The following SLC1A2 variants were observed in gnomAD, a reference collection of about 807,000 sequenced individuals.
The protein encoded by SLC1A2 is solute carrier family 1 member 2.
In SLC1A2, 15 loss-of-function variants were observed where a neutral mutation model predicts 48.8. The observed-to-expected ratio is 0.31, with a 90% confidence interval of 0.21 to 0.47. SLC1A2 has a LOEUF of 0.47. Ranked by LOEUF, SLC1A2 falls within the 20% of genes least tolerant of loss-of-function variation. The probability of loss-of-function intolerance (pLI) is 0.99; values close to 1 mark genes in which losing one functional copy is unlikely to be tolerated. For missense variants in SLC1A2, 502 were observed against 730.5 expected (o/e 0.69, Z 3.61); for synonymous variants, 279 against 272.6 (o/e 1.02, Z -0.23).
chr11:35,344,506 T>A (rs1257801452), intron 1 of SLC1A2, among the ~76,000 whole-genome samples: 1 of 152,210 alleles, frequency 6.6e-6, no homozygotes, highest in African/African-American at 2.4e-5. Context: ...GATGGGATTA[T>A]GGAACTCTCC....
chr11:35,271,213 G>T (rs1463669610), intron 9 of SLC1A2, among the ~76,000 whole-genome samples: 1 of 152,198 alleles, frequency 6.6e-6, no homozygotes, highest in Non-Finnish European at 1.5e-5. Flanking sequence ...TTCTGGCTTT[G>T]GTTTGGACAC....
chr11:35,277,485 T>A (rs1001680367), intron 9 of SLC1A2, among the ~76,000 whole-genome samples: 6 of 152,234 alleles, frequency 3.9e-5, no homozygotes, highest in Non-Finnish European at 8.8e-5. Flanking sequence ...CCCCTTTTCC[T>A]CACTCCTGAT....
At chr11:35,269,243 T>C (rs982797091) in intron 9 of SLC1A2, among the ~76,000 whole-genome samples, 1 of 152,200 alleles carries the variant, frequency 6.6e-6, no homozygotes, top group Admixed American at 6.5e-5. Flanking sequence ...TCTTGGACTT[T>C]CAAGCCTCCA....
At chr11:35,269,447 T>C (rs1199347671) in intron 9 of SLC1A2, among the ~76,000 whole-genome samples, 1 of 152,240 alleles carries the variant, frequency 6.6e-6, no homozygotes, top group Admixed American at 6.5e-5. Flanking sequence ...ACACTCATTA[T>C]GTGCTGGGTC....
chr11:35,355,840 A>AT, intron 1 of SLC1A2, among the ~76,000 whole-genome samples: 1 of 150,898 alleles, frequency 6.6e-6, no homozygotes, highest in Admixed American at 6.6e-5. Flanking sequence ...AGTCAAGATC[A>AT]TGCCACTGCA....
At chr11:35,333,114 C>T (rs1231707585) in intron 1 of SLC1A2, among the ~76,000 whole-genome samples, 4 of 152,006 alleles carry the variant, frequency 2.6e-5, no homozygotes, top group African/African-American at 9.7e-5. Context: ...AAAACATAAC[C>T]TTTGGCAGGG....
Position 35,361,068 on chromosome 11 carries a change from G to A in SLC1A2, c.18-43552C>T, listed in dbSNP as rs186404008. Among the ~76,000 whole-genome samples the A allele has an allele frequency of 6.9e-3, 1,056 of 152,090 alleles. 6 individuals carry two copies. Among genetic ancestry groups the A allele is most frequent in the Non-Finnish European group, 0.013 (853 of 67,978 alleles). On this transcript the variant is annotated intron_variant, in intron 1 of 10. Transcript: ENST00000278379. The stretch of plus-strand genomic sequence containing the variant: ...TTTTTGTATGTTTAGTAGAGATGGG[G>A]TTTCACCATGTTGGCCAGGGTGGTC...
At position 35,360,345 on chromosome 11, in the gene SLC1A2, C is replaced by G. The variant is rs759007535; in HGVS notation, c.18-42829G>C. Among the ~76,000 whole-genome samples the G allele has an allele frequency of 7.1e-4, 108 of 152,270 alleles. 2 individuals carry two copies. The highest frequency in any genetic ancestry group is 3.4e-3 in the Middle Eastern group (1 of 294). On this transcript the variant is annotated intron_variant, in intron 1 of 10. Transcript: ENST00000278379. ...CCTTAGGCAAGAACCATGGCTGTTT[C>G]CCTCCCACGTTTTGTGAATTTCTAC...
At chr11:35,314,712 C>CAA (rs531467759) in intron 3 of SLC1A2, among the ~76,000 whole-genome samples, 49 of 132,660 alleles carry the variant, frequency 3.7e-4, no homozygotes, top group Middle Eastern at 4.0e-3. Flanking sequence ...GACTCCATCT[C>CAA]AAAAAAAAAA....
chr11:35,387,589 C>A (rs1854624881), intron 1 of SLC1A2, among the ~76,000 whole-genome samples: 1 of 152,106 alleles, frequency 6.6e-6, no homozygotes, highest in African/African-American at 2.4e-5. Flanking sequence ...AACTGCAAGG[C>A]CTATTTGTTT....
rs1055233555 is a variant in SLC1A2, at chr11:35,263,082, G to C, written c.1654-2117C>G. Among the ~76,000 whole-genome samples the C allele has an allele frequency of 2.6e-5, 4 of 152,286 alleles. No individual in the cohort carries two copies. In the East Asian group the frequency reaches 7.7e-4, roughly 29 times the overall value. On this transcript the variant is annotated intron_variant, in intron 10 of 10. Coordinates refer to ENST00000278379, the MANE Select transcript of SLC1A2 (RefSeq NM_004171.4). The stretch of plus-strand genomic sequence containing the variant: ...GGCTGGGTCACAGTAGTATAACTGG[G>C]GACAAAGCCTTACTCCTAATGAGCT...
chr11:35,265,147 G>T (rs541081105), intron 10 of SLC1A2: 158 of 237,806 alleles, frequency 6.6e-4, no homozygotes, highest in Non-Finnish European at 8.9e-4. Context: ...GTTTCACCTT[G>T]TTAGCCAGGA....
At position 35,251,451 on chromosome 11, in the gene SLC1A2, A is replaced by G. The variant is rs1950237151; in HGVS notation, c.*9443T>C. The G allele has an allele frequency of 1.3e-5, 2 of 152,648 alleles. No individual in the cohort carries two copies. Among genetic ancestry groups the G allele is most frequent in the African/African-American group, 2.4e-5 (1 of 41,456 alleles). The allele number at this position is 152,648 out of a possible 1,614,324, so 9.5% of individuals were successfully genotyped here. The stretch of plus-strand genomic sequence containing the variant: ...TTTCTAGTAGCATATATGAGAAACA[A>G]TTCAAAAATTAGTTGAAGATTTTAT... On this transcript the variant is annotated 3_prime_UTR_variant, in exon 11 of 11. Transcript: ENST00000278379.
At chr11:35,271,711 C>T (rs1044041489) in intron 9 of SLC1A2, among the ~76,000 whole-genome samples, 30 of 151,986 alleles carry the variant, frequency 2.0e-4, no homozygotes, top group Non-Finnish European at 3.4e-4. Flanking sequence ...GGTGTGGTGT[C>T]GTGCACCTGT....
chr11:35,337,892 A>C (rs7926910), intron 1 of SLC1A2, among the ~76,000 whole-genome samples: 1 of 152,174 alleles, frequency 6.6e-6, no homozygotes, highest in African/African-American at 2.4e-5. Flanking sequence ...CTCATAATTC[A>C]TCATATCTCA....
chr11:35,336,202 T>C (rs1381603734), intron 1 of SLC1A2, among the ~76,000 whole-genome samples: 4 of 152,072 alleles, frequency 2.6e-5, no homozygotes, highest in African/African-American at 7.2e-5. Flanking sequence ...TTAGGAAAAA[T>C]AGCTAATGCA....
chr11:35,315,810 A>G (rs10836371), intron 2 of SLC1A2: 25,968 of 149,208 alleles, frequency 0.17, 2,670 homozygotes, highest in Admixed American at 0.25. Context: ...AAAAAAAAAA[A>G]AGAAAGAAAG....
intron 9 of SLC1A2, among the ~76,000 whole-genome samples, chr11:35,273,152 T>C (rs942128705): frequency 6.6e-6 from 1 of 152,228 alleles, no homozygotes; most frequent in South Asian, 2.1e-4. Context: ...TTAATATTGA[T>C]AGAAACAAAA....
intron 1 of SLC1A2, among the ~76,000 whole-genome samples, chr11:35,400,585 T>C (rs1288262336): frequency 6.6e-6 from 1 of 152,206 alleles, no homozygotes; most frequent in African/African-American, 2.4e-5. Context: ...TCGTTATGGA[T>C]AAACTCTCCA....
Sources: allele counts gnomAD v4.1 joint callset (sites outside exome capture counted in the v4.1 genomes callset), GRCh38; gene constraint gnomAD v4.1.1; transcripts MANE v1.5; gene names NCBI Gene and HGNC (gene_info 2026-07-23, HGNC 2026-07-21).